GRIP1: variants seen among roughly 807,000 people sequenced by gnomAD.
GRIP1 encodes glutamate receptor-interacting protein 1.
Under a neutral mutation model 129.9 loss-of-function variants are expected in GRIP1, and 45 were observed. That is an observed-to-expected ratio of 0.35 (90% CI 0.27 to 0.44). The LOEUF is 0.44. Among genes scored for constraint, GRIP1 ranks in the 20% least tolerant of loss-of-function variants. GRIP1 has a pLI of 1.00. For missense variants in GRIP1, 1,196 were observed against 1,396.8 expected, an observed-to-expected ratio of 0.86 and a Z score of 2.29; for synonymous variants, 530 against 520.8, an observed-to-expected ratio of 1.02 and a Z score of -0.24.
At chr12:66,709,180 C>T (rs17102822) in intron 1 of GRIP1, among the ~76,000 whole-genome samples, 2,408 of 151,986 alleles carry the variant, frequency 0.016, 55 homozygotes, top group African/African-American at 0.055. Flanking sequence ...TTCAAGGACA[C>T]ATAACTTTTT....
chr12:67,060,954 G>A lies in GRIP1; in HGVS notation c.58+8096C>T, dbSNP rs115707262. Among the ~76,000 whole-genome samples, 883 of 152,222 alleles carry A rather than the reference G, an allele frequency of 5.8e-3. 9 individuals are homozygous for A. The highest frequency in any genetic ancestry group is 0.02 in the African/African-American group (844 of 41,522). ...TGGATATTGGGTTGTCAGAAGCCTG[G>A]ACTGAAAGAAGCAGATAAGTAACAC... On this transcript the variant is annotated intron_variant, in intron 1 of 1. Transcript: ENST00000643019.
At chr12:66,554,664 G>T (rs2062259803) in intron 2 of GRIP1, among the ~76,000 whole-genome samples, 1 of 152,164 alleles carries the variant, frequency 6.6e-6, no homozygotes, top group Non-Finnish European at 1.5e-5. Flanking sequence ...GGGGCCCACT[G>T]CCCTGAAGGG....
At chr12:66,983,331 G>A (rs1387680028) in intron 1 of GRIP1, among the ~76,000 whole-genome samples, 1 of 152,144 alleles carries the variant, frequency 6.6e-6, no homozygotes, top group East Asian at 1.9e-4. Context: ...CTACTCAGCT[G>A]TGTTGAAGTG....
At chr12:67,035,702 G>C (rs1451781115) in intron 1 of GRIP1, 1 of 152,122 alleles carries the variant, frequency 6.6e-6, no homozygotes, top group Non-Finnish European at 1.5e-5. Flanking sequence ...AAACAAAAGA[G>C]AGAGAGAATA....
chr12:66,958,911 C>T (rs1322310635), intron 1 of GRIP1, among the ~76,000 whole-genome samples: 1 of 152,134 alleles, frequency 6.6e-6, no homozygotes, highest in Non-Finnish European at 1.5e-5. Context: ...GTGCCCAGTA[C>T]CCCACACACT....
At chr12:67,033,605 C>T (rs891187574) in intron 1 of GRIP1, among the ~76,000 whole-genome samples, 5 of 152,086 alleles carry the variant, frequency 3.3e-5, no homozygotes, top group African/African-American at 1.2e-4. Flanking sequence ...GAGTCTAAAA[C>T]AAGACTGAAA....
chr12:66,507,169 T>C (rs947925856), intron 7 of GRIP1, among the ~76,000 whole-genome samples: 3 of 152,232 alleles, frequency 2.0e-5, no homozygotes, highest in Admixed American at 2.0e-4. Context: ...CCATGCGTGG[T>C]GGCTCACGCC....
At chr12:66,890,092 C>T (rs1041707460) in intron 1 of GRIP1, among the ~76,000 whole-genome samples, 1 of 152,060 alleles carries the variant, frequency 6.6e-6, no homozygotes, top group African/African-American at 2.4e-5. Context: ...CCATGCCTGG[C>T]TAATATTTAC....
chr12:66,813,968 T>C (rs1253885764), intron 1 of GRIP1, among the ~76,000 whole-genome samples: 1 of 152,158 alleles, frequency 6.6e-6, no homozygotes, highest in East Asian at 1.9e-4. Context: ...CATGATTCTT[T>C]GACTTTTGGT....
chr12:66,517,021 A>G (rs2060864883), intron 6 of GRIP1, among the ~76,000 whole-genome samples: 1 of 152,210 alleles, frequency 6.6e-6, no homozygotes, highest in Non-Finnish European at 1.5e-5. Context: ...CCCTCAGAAC[A>G]GTCCCTAGCA....
At chr12:66,911,085 G>A (rs988972167) in intron 1 of GRIP1, among the ~76,000 whole-genome samples, 1 of 152,156 alleles carries the variant, frequency 6.6e-6, no homozygotes, top group Admixed American at 6.5e-5. Flanking sequence ...TACCCTCAAG[G>A]GGCTCTCCCT....
intron 1 of GRIP1, among the ~76,000 whole-genome samples, chr12:66,709,812 TA>T (rs1284478011): frequency 6.6e-6 from 1 of 152,032 alleles, no homozygotes; most frequent in Non-Finnish European, 1.5e-5. Context: ...GAATATTTAA[TA>T]AAAGGGGATC....
intron 7 of GRIP1, among the ~76,000 whole-genome samples, chr12:66,498,574 T>C (rs1297382088): frequency 1.3e-5 from 2 of 152,186 alleles, no homozygotes; most frequent in African/African-American, 4.8e-5. Context: ...TGTAATAATG[T>C]TTATAAAATA....
At chr12:66,908,376 G>A (rs976179788) in intron 1 of GRIP1, among the ~76,000 whole-genome samples, 1 of 152,164 alleles carries the variant, frequency 6.6e-6, no homozygotes, top group Non-Finnish European at 1.5e-5. Flanking sequence ...AGAAATCAGG[G>A]AAGGAGAGGA....
At chr12:66,611,153 G>A (rs1385876736) in intron 1 of GRIP1, among the ~76,000 whole-genome samples, 1 of 152,108 alleles carries the variant, frequency 6.6e-6, no homozygotes, top group African/African-American at 2.4e-5. Flanking sequence ...AAAAGCATTT[G>A]TGCATTACCT....
At chr12:66,992,190 G>T (rs921265904) in intron 1 of GRIP1, among the ~76,000 whole-genome samples, 3 of 152,130 alleles carry the variant, frequency 2.0e-5, no homozygotes, top group African/African-American at 7.2e-5. Flanking sequence ...GTCAAAATTT[G>T]TGAATCTCCT....
intron 1 of GRIP1, among the ~76,000 whole-genome samples, chr12:66,935,935 T>C (rs1393604997): frequency 1.3e-5 from 2 of 152,128 alleles, no homozygotes; most frequent in East Asian, 3.9e-4. Context: ...TAGGTTACAG[T>C]TCATCCACAA....
rs555553684 is a variant in GRIP1 at position 66,578,390 on chromosome 12, T to C, written c.136+18457A>G. 1.3e-4 allele frequency among the ~76,000 whole-genome samples: 20 copies of C among 151,878 alleles called. No individual in the cohort carries two copies. In the South Asian group the frequency reaches 3.8e-3, roughly 29 times the overall value. The stretch of plus-strand genomic sequence containing the variant: ...GTACCAGGTTCATCTCACTAGGGAG[T>C]GCCAGACAGTGGGTGCAGGTCAGTG... On this transcript the variant is annotated intron_variant, in intron 2 of 24. Coordinates refer to ENST00000359742, the MANE Select transcript of GRIP1 (RefSeq NM_001366722.1).
At chr12:66,664,524 G>T (rs2033688916) in intron 1 of GRIP1, among the ~76,000 whole-genome samples, 1 of 152,108 alleles carries the variant, frequency 6.6e-6, no homozygotes, top group Non-Finnish European at 1.5e-5. Flanking sequence ...ACCCTCAAAT[G>T]CTAGAGAACT....
Sources: allele counts gnomAD v4.1 joint callset (sites outside exome capture counted in the v4.1 genomes callset), GRCh38; gene constraint gnomAD v4.1.1; transcripts MANE v1.5; gene names NCBI Gene and HGNC (gene_info 2026-07-23, HGNC 2026-07-21).